The following EPB41 variants were observed in gnomAD, a reference collection of about 807,000 sequenced individuals.
EPB41 encodes the protein protein 4.1.
EPB41 carries 65 observed loss-of-function variants against 108.0 expected under a neutral mutation model. The observed-to-expected ratio is 0.60, with a 90% CI of 0.49 to 0.74. The LOEUF is 0.74. Among genes scored for constraint, EPB41 ranks in the 30% least tolerant of loss-of-function variants. EPB41 has a pLI of 0.00. For synonymous variants in EPB41, 336 were observed against 358.9 expected, an observed-to-expected ratio of 0.94 and a Z score of 0.72; for missense variants, 875 against 1,037.0, an observed-to-expected ratio of 0.84 and a Z score of 2.15.
At chr1:28,919,780 C>G (rs1013446897) in intron 1 of EPB41, among the ~76,000 whole-genome samples, 3 of 152,058 alleles carry the variant, frequency 2.0e-5, no homozygotes, top group African/African-American at 7.2e-5. Flanking sequence ...TATAGAAATT[C>G]CAGAGACATT....
intron 1 of EPB41, among the ~76,000 whole-genome samples, chr1:28,906,071 G>A (rs2091803613): frequency 6.6e-6 from 1 of 151,928 alleles, no homozygotes; most frequent in Admixed American, 6.6e-5. Context: ...CACCTCCCTC[G>A]GCCTCCCAAA....
intron 1 of EPB41, among the ~76,000 whole-genome samples, chr1:28,897,583 CGG>C (rs1176482928): frequency 5.7e-5 from 6 of 105,462 alleles, no homozygotes; most frequent in South Asian, 4.0e-4. Flanking sequence ...GGAAGGGAAG[CGG>C]AGGGAAGGGA....
intron 17 of EPB41, among the ~76,000 whole-genome samples, chr1:29,100,757 AATATATAAT>A (rs1259039268): frequency 7.5e-5 from 11 of 146,752 alleles, no homozygotes; most frequent in South Asian, 2.1e-4. Flanking sequence ...TTACACATTA[AATATATAAT>A]ATATATAATA....
intron 1 of EPB41, among the ~76,000 whole-genome samples, chr1:28,967,259 C>A (rs1160633595): frequency 1.3e-5 from 2 of 152,156 alleles, no homozygotes; most frequent in African/African-American, 4.8e-5. Context: ...ACCTCGTGAT[C>A]CACCCGCCTT....
intron 12 of EPB41, among the ~76,000 whole-genome samples, chr1:29,057,765 A>G (rs1000037036): frequency 6.6e-6 from 1 of 152,126 alleles, no homozygotes; most frequent in Non-Finnish European, 1.5e-5. Flanking sequence ...TTTTCTATGT[A>G]TAAAATGATG....
intron 1 of EPB41, among the ~76,000 whole-genome samples, chr1:28,957,024 G>T (rs1263636554): frequency 2.0e-5 from 3 of 152,216 alleles, no homozygotes; most frequent in Non-Finnish European, 4.4e-5. Context: ...CATTAAAAAA[G>T]ACTAGATTGC....
At chr1:28,960,831 A>G (rs1216611847) in intron 1 of EPB41, among the ~76,000 whole-genome samples, 1 of 151,958 alleles carries the variant, frequency 6.6e-6, no homozygotes, top group Non-Finnish European at 1.5e-5. Context: ...TGAGGAGTTC[A>G]AGACCAGCCT....
At chr1:28,923,853 A>T (rs1169238774) in intron 1 of EPB41, among the ~76,000 whole-genome samples, 2 of 152,170 alleles carry the variant, frequency 1.3e-5, no homozygotes, top group African/African-American at 4.8e-5. Flanking sequence ...TATCATGCGT[A>T]CTGTGGTAGG....
upstream of EPB41, chr1:28,914,567 G>C (rs1191930396): frequency 6.6e-6 from 1 of 151,724 alleles, no homozygotes; most frequent in African/African-American, 2.4e-5. Context: ...GCCTCGCCTC[G>C]CAGAGGGAAG....
At chr1:29,008,152 A>T (rs1017379297) in intron 4 of EPB41, among the ~76,000 whole-genome samples, 2 of 152,010 alleles carry the variant, frequency 1.3e-5, no homozygotes, top group Non-Finnish European at 2.9e-5. Context: ...TGCCACATCC[A>T]CCCAGTTGCC....
chr1:28,936,680 G>A (rs1444857022), intron 1 of EPB41, among the ~76,000 whole-genome samples: 1 of 152,124 alleles, frequency 6.6e-6, no homozygotes, highest in Non-Finnish European at 1.5e-5. Flanking sequence ...CATTCACTTA[G>A]CATGTTTCCA....
chr1:28,933,526 C>A (rs1316971708), intron 1 of EPB41, among the ~76,000 whole-genome samples: 1 of 152,188 alleles, frequency 6.6e-6, no homozygotes, highest in Non-Finnish European at 1.5e-5. Flanking sequence ...CAGATTTTCA[C>A]AAGTCATAAT....
chr1:28,893,011 A>G (rs751813528), intron 1 of EPB41, among the ~76,000 whole-genome samples: 4 of 152,022 alleles, frequency 2.6e-5, no homozygotes, highest in Non-Finnish European at 4.4e-5. Flanking sequence ...CATGTTGGCC[A>G]GGCTGGTCTC....
intron 4 of EPB41, among the ~76,000 whole-genome samples, chr1:29,008,048 A>G (rs377260030): frequency 2.0e-5 from 3 of 152,098 alleles, no homozygotes; most frequent in Non-Finnish European, 4.4e-5. Context: ...TATTCATTCA[A>G]TTGTTGATGT....
At chr1:28,901,472 C>T (rs1422963253) in intron 1 of EPB41, among the ~76,000 whole-genome samples, 1 of 151,854 alleles carries the variant, frequency 6.6e-6, no homozygotes, top group Non-Finnish European at 1.5e-5. Flanking sequence ...ATCCGCGAGC[C>T]TCAGCCTCCC....
intron 10 of EPB41, among the ~76,000 whole-genome samples, chr1:29,036,127 T>C (rs1347807245): frequency 6.6e-6 from 1 of 152,082 alleles, no homozygotes; most frequent in Admixed American, 6.6e-5. Context: ...CACCTGTCTG[T>C]GTATGGTAGA....
chr1:28,930,413 C>T (rs1328125497), intron 1 of EPB41, among the ~76,000 whole-genome samples: 2 of 151,620 alleles, frequency 1.3e-5, no homozygotes, highest in African/African-American at 4.8e-5. Context: ...AGACATTGTC[C>T]TTCCTCAGCC....
chr1:28,908,728 C>T (rs1483084031), intron 1 of EPB41, among the ~76,000 whole-genome samples: 4 of 151,590 alleles, frequency 2.6e-5, no homozygotes, highest in South Asian at 4.2e-4. Flanking sequence ...CTGTGCCCGG[C>T]CCAAGTATCA....
intron 16 of EPB41, among the ~76,000 whole-genome samples, chr1:29,076,543 G>A (rs1170975775): frequency 2.6e-5 from 4 of 152,156 alleles, no homozygotes; most frequent in Non-Finnish European, 5.9e-5. Context: ...TTCTGTGACA[G>A]TCTGAGTAAC....
Sources: gnomAD v4.1 joint callset for allele counts (sites outside exome capture counted in the v4.1 genomes callset) on GRCh38, gnomAD v4.1.1 for gene constraint, MANE v1.5 for transcripts, NCBI Gene and HGNC (gene_info 2026-07-23, HGNC 2026-07-21) for gene names.